GBE1: variants seen among roughly 807,000 people sequenced by gnomAD.
GBE1 encodes the protein 1,4-alpha-glucan-branching enzyme.
A neutral mutation model predicts 88.8 loss-of-function variants in GBE1; 70 were observed. That is an observed-to-expected ratio of 0.79 (90% CI 0.65 to 0.96). GBE1 has a LOEUF of 0.96. GBE1 is among the 40% of genes least tolerant of loss of function. GBE1 has a pLI of 0.00. For missense variants in GBE1, 872 were observed against 871.0 expected (o/e 1.00, Z -0.01); for synonymous variants, 284 against 300.1 (o/e 0.95, Z 0.56).
chr3:81,682,221 G>A (rs1705356108), intron 2 of GBE1, among the ~76,000 whole-genome samples: 1 of 152,154 alleles, frequency 6.6e-6, no homozygotes, highest in Non-Finnish European at 1.5e-5. Context: ...CCAACACTTT[G>A]GTAGGCCAAG....
At chr3:81,561,479 C>T (rs1703416388) in intron 12 of GBE1, among the ~76,000 whole-genome samples, 1 of 151,954 alleles carries the variant, frequency 6.6e-6, no homozygotes, top group African/African-American at 2.4e-5. Flanking sequence ...TAATCTTTAG[C>T]AAGACCTTAT....
At chr3:81,546,317 G>A (rs1465371430) in intron 12 of GBE1, among the ~76,000 whole-genome samples, 1 of 152,006 alleles carries the variant, frequency 6.6e-6, no homozygotes, top group Non-Finnish European at 1.5e-5. Context: ...CAACAGTCCT[G>A]ATGAGAATAT....
At chr3:81,623,874 T>A (rs1210539183) in intron 7 of GBE1, among the ~76,000 whole-genome samples, 23 of 152,278 alleles carry the variant, frequency 1.5e-4, no homozygotes, top group Non-Finnish European at 4.4e-5. Flanking sequence ...TCTCACTATG[T>A]TGCCCAGGCT....
chr3:81,648,650 C>A (rs543354222), intron 5 of GBE1, among the ~76,000 whole-genome samples: 1 of 152,146 alleles, frequency 6.6e-6, no homozygotes, highest in Non-Finnish European at 1.5e-5. Flanking sequence ...GGAATAATAT[C>A]TTTAATTCTT....
chr3:81,552,737 CT>C (rs1407821715), intron 12 of GBE1, among the ~76,000 whole-genome samples: 4 of 151,776 alleles, frequency 2.6e-5, no homozygotes, highest in Admixed American at 1.3e-4. Context: ...CTCTTAATTC[CT>C]TTTTTTAAAA....
intron 6 of GBE1, among the ~76,000 whole-genome samples, chr3:81,645,760 C>A (rs1397045500): frequency 6.6e-6 from 1 of 152,112 alleles, no homozygotes; most frequent in Non-Finnish European, 1.5e-5. Flanking sequence ...GATTATAGTT[C>A]CCTGTCATTT....
intron 1 of GBE1, among the ~76,000 whole-genome samples, chr3:81,714,143 T>G (rs1705908545): frequency 6.6e-6 from 1 of 152,176 alleles, no homozygotes; most frequent in African/African-American, 2.4e-5. Context: ...CCACAAAGAC[T>G]GGGAAAATTA....
chr3:81,547,578 G>A (rs1165815083), intron 12 of GBE1, among the ~76,000 whole-genome samples: 1 of 150,748 alleles, frequency 6.6e-6, no homozygotes, highest in Non-Finnish European at 1.5e-5. Context: ...CGGCATGCCA[G>A]CAAAAGGATA....
At chr3:81,747,881 C>T (rs1404623065) in intron 1 of GBE1, among the ~76,000 whole-genome samples, 1 of 152,204 alleles carries the variant, frequency 6.6e-6, no homozygotes, top group Non-Finnish European at 1.5e-5. Context: ...TCTCCCTTCG[C>T]TGACTCTCTT....
intron 2 of GBE1, among the ~76,000 whole-genome samples, chr3:81,690,761 A>G (rs1705508492): frequency 6.6e-6 from 1 of 152,028 alleles, no homozygotes; most frequent in African/African-American, 2.4e-5. Flanking sequence ...TTTTGTTTCT[A>G]TTTTATTCTA....
At chr3:81,574,540 C>G (rs141645524) in intron 12 of GBE1, among the ~76,000 whole-genome samples, 1 of 152,264 alleles carries the variant, frequency 6.6e-6, no homozygotes, top group Non-Finnish European at 1.5e-5. Flanking sequence ...TGTACCTTTT[C>G]TCTAAAAAGT....
At chr3:81,685,870 G>A (rs924627911) in intron 2 of GBE1, among the ~76,000 whole-genome samples, 3 of 152,098 alleles carry the variant, frequency 2.0e-5, no homozygotes, top group Non-Finnish European at 4.4e-5. Context: ...TCCTACCATT[G>A]ATAGACCAAT....
chr3:81,615,936 T>C (rs1704242774), intron 7 of GBE1, among the ~76,000 whole-genome samples: 1 of 152,178 alleles, frequency 6.6e-6, no homozygotes, highest in African/African-American at 2.4e-5. Context: ...GCATTTGGTG[T>C]AGTTACTATT....
chr3:81,692,540 T>C (rs1164974619), intron 2 of GBE1, among the ~76,000 whole-genome samples: 3 of 152,328 alleles, frequency 2.0e-5, no homozygotes, highest in African/African-American at 7.2e-5. Flanking sequence ...TCTCAGTTTT[T>C]AGTTTGGTTT....
In GBE1 at chr3:81,750,595, A is replaced by ATG. The variant is rs1559708599; in HGVS notation, c.143+10779_143+10780insCA. Among the ~76,000 whole-genome samples, 65 of 40,694 alleles carry ATG rather than the reference A, an allele frequency of 1.6e-3. 5 individuals carry two copies. The highest frequency in any genetic ancestry group is 0.01 in the East Asian group (4 of 398). 26.7% of individuals were successfully genotyped at this position (40,694 alleles called of 152,430 possible). ...TATATACGTATATATATACGTATAT[A>ATG]TATATGTGTATATATATATATGTAT... On this transcript the variant is annotated intron_variant, in intron 1 of 15. Coordinates refer to ENST00000429644, the MANE Select transcript of GBE1 (RefSeq NM_000158.4).
At chr3:81,648,735 T>C in intron 5 of GBE1, 121 bp downstream of exon 5, 1 of 512,426 alleles carries the variant, frequency 2.0e-6, no homozygotes. Context: ...TAAAATAAAA[T>C]GCCTTTCTAT....
intron 12 of GBE1, 103 bp downstream of exon 12, chr3:81,577,822 T>C: frequency 2.2e-6 from 2 of 892,032 alleles, no homozygotes; most frequent in South Asian, 3.7e-5. Flanking sequence ...TGTAATTTTA[T>C]ATTCTAAATC....
intron 1 of GBE1, among the ~76,000 whole-genome samples, chr3:81,714,934 C>T (rs1559696926): frequency 6.6e-6 from 1 of 152,098 alleles, no homozygotes; most frequent in Non-Finnish European, 1.5e-5. Flanking sequence ...CTAATCACGT[C>T]AGGAGAGGGC....
intron 14 of GBE1, among the ~76,000 whole-genome samples, chr3:81,522,748 T>A (rs1197135143): frequency 1.3e-5 from 2 of 151,538 alleles, no homozygotes; most frequent in East Asian, 3.9e-4. Context: ...ATAATTAAAG[T>A]CCAAGTGGGC....
Sources: gnomAD v4.1 joint callset for allele counts (sites outside exome capture counted in the v4.1 genomes callset) on GRCh38, gnomAD v4.1.1 for gene constraint, MANE v1.5 for transcripts, NCBI Gene and HGNC (gene_info 2026-07-23, HGNC 2026-07-21) for gene names.